RRP15: variants seen among roughly 807,000 people sequenced by gnomAD.
The protein encoded by RRP15 is ribosomal RNA processing 15 homolog.
In RRP15, 18 loss-of-function variants were observed where a neutral mutation model predicts 27.1. That is an observed-to-expected ratio of 0.66 (90% CI 0.46 to 0.98). The LOEUF is 0.98. Among genes scored for constraint, RRP15 ranks in the 50% least tolerant of loss-of-function variants. The pLI is 0.00. For synonymous variants in RRP15, 107 were observed against 109.4 expected (o/e 0.98, Z 0.14); for missense variants, 359 against 337.8 (o/e 1.06, Z -0.49).
intron 4 of RRP15, among the ~76,000 whole-genome samples, chr1:218,328,628 A>T (rs927365933): frequency 6.6e-6 from 1 of 151,860 alleles, no homozygotes; most frequent in East Asian, 1.9e-4. Context: ...GCGCCACTGC[A>T]CTCCAGCCTG....
At position 218,333,247 on chromosome 1, in the gene RRP15, T is replaced by C. The variant is rs1308700592; in HGVS notation, c.*2156T>C. 6.6e-6 allele frequency: 1 copy of C among 152,194 alleles called. No individual in the cohort carries two copies. The highest frequency in any genetic ancestry group is 1.9e-4 in the East Asian group (1 of 5,206). The allele number at this position is 152,194 out of a possible 1,614,324, so 9.4% of individuals were successfully genotyped here. ...AGTATATATAAATTATATGACAATT[T>C]TTATCATATAGATTTGATATCTTCT... On this transcript the variant is annotated 3_prime_UTR_variant, in exon 5 of 5. Transcript: ENST00000366932.
At chr1:218,302,082 T>C (rs969590375) in intron 1 of RRP15, 15 of 497,760 alleles carry the variant, frequency 3.0e-5, no homozygotes, top group Non-Finnish European at 5.0e-5. Context: ...TGACATCCCC[T>C]GTATATGTGG....
intron 4 of RRP15, among the ~76,000 whole-genome samples, chr1:218,329,237 C>CAAAAAAAAAAAAAAAAAAAAAAAAAAA (rs1164512474): frequency 1.9e-5 from 1 of 53,552 alleles, no homozygotes; most frequent in Non-Finnish European, 3.3e-5. Context: ...CCTGTCTCTA[C>CAAAAAAAAAAAAAAAAAAAAAAAAAAA]AAAAAAAAAA....
chr1:218,321,864 C>T lies in RRP15; in HGVS notation c.706-9084C>T, dbSNP rs116515340. On this transcript the variant is annotated intron_variant, in intron 4 of 4. Transcript: ENST00000366932. ...CTTTTTTCTTATATTAATCTTTGAT[C>T]TACCTTTTTTTTGTGTGGGTGCTCC... Among the ~76,000 whole-genome samples the T allele has an allele frequency of 8.1e-4, 122 of 151,126 alleles. 1 individual carries two copies. The highest frequency in any genetic ancestry group is 3.4e-3 in the Middle Eastern group (1 of 294).
At chr1:218,310,452 C>G (rs1553288174) in intron 4 of RRP15, among the ~76,000 whole-genome samples, 1 of 152,090 alleles carries the variant, frequency 6.6e-6, no homozygotes, top group Non-Finnish European at 1.5e-5. Flanking sequence ...ACATTAAAGT[C>G]TTATGTTCAA....
intron 2 of RRP15, among the ~76,000 whole-genome samples, chr1:218,304,138 T>C (rs1436428377): frequency 2.6e-5 from 4 of 152,230 alleles, no homozygotes; most frequent in African/African-American, 9.6e-5. Context: ...TTGGTTTTAC[T>C]GTGATTAGAC....
intron 2 of RRP15, among the ~76,000 whole-genome samples, chr1:218,303,167 G>A (rs1204836065): frequency 2.0e-5 from 3 of 152,084 alleles, no homozygotes; most frequent in Non-Finnish European, 2.9e-5. Flanking sequence ...CCATGATAAG[G>A]CTTTCATATC....
chr1:218,322,232 TTC>T (rs1415724005), intron 4 of RRP15, among the ~76,000 whole-genome samples: 23 of 152,154 alleles, frequency 1.5e-4, no homozygotes, highest in Admixed American at 6.5e-4. Context: ...ATTACTTCAC[TTC>T]TCTGAGCCTT....
At chr1:218,301,685 G>A (rs1409397439) in intron 1 of RRP15, 1 of 151,870 alleles carries the variant, frequency 6.6e-6, no homozygotes, top group Non-Finnish European at 1.5e-5. Flanking sequence ...AGTATCTTGG[G>A]CACGTTGTTA....
At chr1:218,290,393 A>C (rs1473448905) in intron 1 of RRP15, among the ~76,000 whole-genome samples, 1 of 152,088 alleles carries the variant, frequency 6.6e-6, no homozygotes, top group Non-Finnish European at 1.5e-5. Flanking sequence ...TGGTCAGAAC[A>C]TTTTTGTCAT....
chr1:218,329,601 A>G (rs1188409417), intron 4 of RRP15, among the ~76,000 whole-genome samples: 3 of 152,242 alleles, frequency 2.0e-5, no homozygotes, highest in Non-Finnish European at 4.4e-5. Context: ...TGGTTTTTAA[A>G]TAGCACAGAT....
rs952254240 is a variant in RRP15, at chr1:218,308,166, G to A, written c.705+534G>A. Among the ~76,000 whole-genome samples the A allele has an allele frequency of 2.1e-5, 3 of 140,886 alleles. No individual in the cohort carries two copies. In the East Asian group the frequency reaches 6.8e-4, roughly 32 times the overall value. The allele number at this position is 140,886 out of a possible 152,430, so 92.4% of individuals were successfully genotyped here. On this transcript the variant is annotated intron_variant, in intron 4 of 4. Transcript: ENST00000366932. Reference sequence around the variant, plus strand: ...GGCTCACTGAAACCTCCGCCTCCCAGGTTCAAGCAATTCTCTTGCCTCAGC... The same window carrying A: ...GGCTCACTGAAACCTCCGCCTCCCAAGTTCAAGCAATTCTCTTGCCTCAGC...
At chr1:218,299,581 C>T (rs1655778653) in intron 1 of RRP15, among the ~76,000 whole-genome samples, 1 of 152,120 alleles carries the variant, frequency 6.6e-6, no homozygotes, top group Admixed American at 6.5e-5. Context: ...CAGGACAAAA[C>T]ACTAGATGTC....
intron 4 of RRP15, among the ~76,000 whole-genome samples, chr1:218,324,761 G>A (rs1017001734): frequency 6.6e-6 from 1 of 152,080 alleles, no homozygotes; most frequent in African/African-American, 2.4e-5. Flanking sequence ...TCTTATTCGT[G>A]TGAAAAAATT....
intron 1 of RRP15, among the ~76,000 whole-genome samples, chr1:218,290,524 G>A (rs773696873): frequency 4.9e-4 from 74 of 152,208 alleles, no homozygotes; most frequent in Non-Finnish European, 7.8e-4. Context: ...CTGGAGTGCA[G>A]TGGTGCAATC....
chr1:218,306,552 A>G (rs943144134), intron 3 of RRP15, among the ~76,000 whole-genome samples: 2 of 152,184 alleles, frequency 1.3e-5, no homozygotes, highest in African/African-American at 4.8e-5. Context: ...TCAAGGCCCA[A>G]TAATTATTGG....
intron 1 of RRP15, among the ~76,000 whole-genome samples, chr1:218,297,613 A>T (rs537000240): frequency 2.6e-5 from 4 of 152,258 alleles, no homozygotes; most frequent in African/African-American, 9.6e-5. Context: ...ATTGTCCCTT[A>T]CTAACTGTCC....
intron 2 of RRP15, 121 bp downstream of exon 2, chr1:218,302,680 G>A: frequency 1.4e-6 from 2 of 1,435,238 alleles, no homozygotes; most frequent in Non-Finnish European, 1.9e-6. Context: ...TGTTTTTTAT[G>A]TGAAGGTGGA....
chr1:218,306,770 A>G (rs1655905999), intron 3 of RRP15, among the ~76,000 whole-genome samples: 1 of 152,214 alleles, frequency 6.6e-6, no homozygotes, highest in Non-Finnish European at 1.5e-5. Flanking sequence ...CTTCAATAAT[A>G]TTTTATTTAA....
Sources: gnomAD v4.1 joint callset for allele counts (sites outside exome capture counted in the v4.1 genomes callset) on GRCh38, gnomAD v4.1.1 for gene constraint, MANE v1.5 for transcripts, NCBI Gene and HGNC (gene_info 2026-07-23, HGNC 2026-07-21) for gene names.